The following MRGPRF variants were observed in gnomAD, a reference collection of about 807,000 sequenced individuals.
MRGPRF encodes the protein mas-related G protein-coupled receptor member F.
MRGPRF carries 2 observed loss-of-function variants against 3.3 expected under a neutral mutation model. The ratio of observed to expected loss-of-function variants is 0.61; its 90% CI spans 0.25 to 1.92. The LOEUF (loss-of-function observed/expected upper bound fraction) is 1.92. Among genes scored for constraint, MRGPRF ranks in the 40% most tolerant of loss-of-function variants. The pLI, the probability that MRGPRF is intolerant of heterozygous loss-of-function variation, is 0.16. For synonymous variants in MRGPRF, 242 were observed against 222.7 expected, an observed-to-expected ratio of 1.09 and a Z score of -0.77; for missense variants, 500 against 476.0, an observed-to-expected ratio of 1.05 and a Z score of -0.47.
intron 2 of MRGPRF, among the ~76,000 whole-genome samples, chr11:69,007,783 C>G (rs1280291940): frequency 6.6e-6 from 1 of 152,168 alleles, no homozygotes; most frequent in African/African-American, 2.4e-5. Flanking sequence ...AGGTGGCTTC[C>G]TGATGAGCCA....
chr11:69,008,520 C>G (rs939764330), intron 2 of MRGPRF, among the ~76,000 whole-genome samples: 23 of 152,212 alleles, frequency 1.5e-4, no homozygotes, highest in African/African-American at 5.5e-4. Context: ...CTAGCCTGCT[C>G]AGGTCAAGGG....
chr11:69,006,619 C>CTTTT (rs11326908), intron 2 of MRGPRF, among the ~76,000 whole-genome samples: 1,433 of 107,882 alleles, frequency 0.013, 37 homozygotes, highest in Non-Finnish European at 0.015. Context: ...GAGCCTTTCC[C>CTTTT]TTTTTTTTTT....
At chr11:69,008,883 A>G (rs943944428) in intron 2 of MRGPRF, among the ~76,000 whole-genome samples, 1 of 152,192 alleles carries the variant, frequency 6.6e-6, no homozygotes, top group African/African-American at 2.4e-5. Flanking sequence ...AAAAGTCTGC[A>G]ATCCCCTCCT....
chr11:69,010,771 G>A (rs1210139095), intron 1 of MRGPRF, among the ~76,000 whole-genome samples: 1 of 152,050 alleles, frequency 6.6e-6, no homozygotes, highest in Non-Finnish European at 1.5e-5. Context: ...TGGGAGGCCT[G>A]GGGTAGGGGG....
intron 2 of MRGPRF, among the ~76,000 whole-genome samples, chr11:69,009,112 G>A (rs530709018): frequency 6.6e-6 from 1 of 152,212 alleles, no homozygotes; most frequent in African/African-American, 2.4e-5. Context: ...GAGGGAGAGG[G>A]CCCAAGGCCC....
intron 2 of MRGPRF, 58 bp downstream of exon 2, chr11:69,009,796 G>A (rs764665960): frequency 1.3e-5 from 20 of 1,562,690 alleles, no homozygotes; most frequent in Non-Finnish European, 1.8e-5. Flanking sequence ...GGCTGGGTCT[G>A]CCCCTCCCAC....
In MRGPRF at chr11:69,004,857, T is replaced by G; in HGVS notation, c.*421A>C. ...CTGATAATGCCTTAAGAGGATCGAA[T>G]CTCTGGAACAGCCCTGAATGGCAGG... On this transcript the variant is annotated 3_prime_UTR_variant, in exon 3 of 3. Transcript: ENST00000309099. 5.6e-6 allele frequency: 1 copy of G among 179,580 alleles called. No homozygotes were observed. Among genetic ancestry groups the G allele is most frequent in the Non-Finnish European group, 1.2e-5 (1 of 86,806 alleles). 11.1% of individuals were successfully genotyped at this position (179,580 alleles called of 1,614,324 possible).
chr11:69,012,228 G>T (rs1462390280), intron 1 of MRGPRF: 2 of 152,320 alleles, frequency 1.3e-5, no homozygotes, highest in Non-Finnish European at 2.9e-5. Flanking sequence ...CCCAAGGGTG[G>T]CCTGGCCACC....
Position 69,005,475 on chromosome 11 carries a change from A to C in MRGPRF, c.835T>G (p.Cys279Gly). Residue 279 changes from cysteine to glycine, a missense_variant, in exon 3 of 3, where the codon TGC (cysteine) becomes GGC (glycine). Cys to Gly is a radical substitution (Grantham distance 159). Coordinates refer to ENST00000309099, the MANE Select transcript of MRGPRF (RefSeq NM_145015.5). ...TTGGCGCTGCTGTTGATGCAGATGC[A>C]CAGGTCAGTGACGTACTCGGGGAAG... is the stretch of plus-strand genomic sequence containing the variant. ...APFPEYVTDL[C>G]ICINSSAKPI... 1 of 1,587,458 alleles carries C rather than the reference A, an allele frequency of 6.3e-7. No homozygotes were observed. Among genetic ancestry groups the C allele is most frequent in the Non-Finnish European group, 8.6e-7 (1 of 1,167,028 alleles).
intron 1 of MRGPRF, among the ~76,000 whole-genome samples, chr11:69,011,243 C>T (rs1860590751): frequency 6.6e-6 from 1 of 152,202 alleles, no homozygotes; most frequent in South Asian, 2.1e-4. Context: ...GTGGCCCGCC[C>T]CCTCTTTAAC....
Position 69,005,167 on chromosome 11 carries a change from A to C in MRGPRF, c.*111T>G. ...GGGAGAAGGAGGCCCGAGGAGAGGA[A>C]ACAGATCTTTCTTCTCCTGTATGGA... On this transcript the variant is annotated 3_prime_UTR_variant, in exon 3 of 3. Transcript: ENST00000309099. The C allele has an allele frequency of 7.5e-7, 1 of 1,336,104 alleles. No homozygotes were observed. The highest frequency in any genetic ancestry group is 9.9e-7 in the Non-Finnish European group (1 of 1,012,990). 82.8% of individuals were successfully genotyped at this position (1,336,104 alleles called of 1,614,324 possible).
intron 2 of MRGPRF, among the ~76,000 whole-genome samples, chr11:69,009,137 G>A (rs1860543536): frequency 6.6e-6 from 1 of 152,248 alleles, no homozygotes; most frequent in African/African-American, 2.4e-5. Flanking sequence ...GCGTGGGGGT[G>A]AGATCCCCAG....
At chr11:69,009,491 T>G in intron 2 of MRGPRF, 1 of 575,102 alleles carries the variant, frequency 1.7e-6, no homozygotes, top group Non-Finnish European at 3.1e-6. Flanking sequence ...CACCTTGGAG[T>G]CAGCGTCCCA....
At chr11:69,010,534 G>A (rs1378861268) in intron 1 of MRGPRF, among the ~76,000 whole-genome samples, 4 of 152,166 alleles carry the variant, frequency 2.6e-5, no homozygotes, top group Non-Finnish European at 4.4e-5. Flanking sequence ...CTGCCAGCCC[G>A]CCTACACCCA....
In MRGPRF at chr11:69,005,879, G is replaced by A; in HGVS notation, c.431C>T (p.Ser144Leu). The change falls in exon 3 of 3, where the codon TCG becomes TTG. Residue 144 changes from serine to leucine, a missense_variant. Ser to Leu is a moderately radical substitution (Grantham distance 145, BLOSUM62 -2). Coordinates refer to ENST00000309099, the MANE Select transcript of MRGPRF (RefSeq NM_145015.5). ...CCAGTACCAGGCGGGGAAGATGACCGAGGCGCAGCGCTCGGCGCTGACGGC... is the reference window on the plus strand; with the variant it reads ...CCAGTACCAGGCGGGGAAGATGACCAAGGCGCAGCGCTCGGCGCTGACGGC... Reference protein sequence around the residue: ...LPAVSAERCASVIFPAWYWRR... With the variant: ...LPAVSAERCALVIFPAWYWRR... 2.6e-6 allele frequency: 4 copies of A among 1,563,344 alleles called. No homozygotes were observed. The highest frequency in any genetic ancestry group is 3.5e-6 in the Non-Finnish European group (4 of 1,156,308).
intron 1 of MRGPRF, among the ~76,000 whole-genome samples, chr11:69,010,774 G>T (rs1280905805): frequency 6.6e-6 from 1 of 152,070 alleles, no homozygotes; most frequent in Non-Finnish European, 1.5e-5. Flanking sequence ...GAGGCCTGGG[G>T]TAGGGGGTGA....
In MRGPRF at chr11:69,005,341, G is replaced by A. The variant is rs776664188; in HGVS notation, c.969C>T (p.Ala323=). The A allele has an allele frequency of 7.0e-6, 11 of 1,562,570 alleles. No individual in the cohort carries two copies. The highest frequency in any genetic ancestry group is 1.2e-5 in the South Asian group (1 of 84,976). The change falls in exon 3 of 3, where the codon GCC becomes GCT. Residue 323 remains alanine (A), a synonymous_variant. Coordinates refer to ENST00000309099, the MANE Select transcript of MRGPRF (RefSeq NM_145015.5). ...ALRDGAELGE[A]GGSTPNTVTM... ...TGACTGTGTTGGGCGTGCTGCCCCC[G>A]GCCTCCCCCAGCTCAGCGCCGTCCC...
At position 69,005,003 on chromosome 11, in the gene MRGPRF, G is replaced by C. The variant is rs1212355078; in HGVS notation, c.*275C>G. The stretch of plus-strand genomic sequence containing the variant: ...TTACCAACCAGCCTAGGGCAAGGAG[G>C]GGCCCCACCACCTGGGGGCAACTTC... On this transcript the variant is annotated 3_prime_UTR_variant, in exon 3 of 3. Coordinates refer to ENST00000309099, the MANE Select transcript of MRGPRF (RefSeq NM_145015.5). 2 of 412,794 alleles carry C rather than the reference G, an allele frequency of 4.8e-6. No individual in the cohort carries two copies. The highest frequency in any genetic ancestry group is 4.1e-5 in the African/African-American group (2 of 48,432). The allele number at this position is 412,794 out of a possible 1,614,324, so 25.6% of individuals were successfully genotyped here. A position where few individuals can be genotyped will look rare whatever the true frequency, so the allele number is the denominator to read the frequency against.
At chr11:69,011,170 G>A (rs1007259035) in intron 1 of MRGPRF, among the ~76,000 whole-genome samples, 15 of 152,114 alleles carry the variant, frequency 9.9e-5, no homozygotes, top group Admixed American at 4.6e-4. Context: ...TCCCGCCCGG[G>A]GGCGGGCCGT....
Sources: gnomAD v4.1 joint callset for allele counts (sites outside exome capture counted in the v4.1 genomes callset) on GRCh38, gnomAD v4.1.1 for gene constraint, MANE v1.5 for transcripts, NCBI Gene and HGNC (gene_info 2026-07-23, HGNC 2026-07-21) for gene names.